Variants in RBPJ observed in about 807,000 individuals in gnomAD.
The protein encoded by RBPJ is recombining binding protein suppressor of hairless.
RBPJ carries 9 observed loss-of-function variants against 67.8 expected under a neutral mutation model. The observed-to-expected ratio is 0.13, with a 90% CI of 0.08 to 0.23. The LOEUF (loss-of-function observed/expected upper bound fraction) is 0.23. RBPJ is among the 10% of genes least tolerant of loss of function. RBPJ has a pLI of 1.00. For missense variants in RBPJ, 305 were observed against 595.6 expected (o/e 0.51, Z 5.08); for synonymous variants, 198 against 203.3 (o/e 0.97, Z 0.22).
At chr4:26,295,237 G>A (rs1318165963) in intron 1 of RBPJ, among the ~76,000 whole-genome samples, 1 of 133,132 alleles carries the variant, frequency 7.5e-6, no homozygotes, top group Admixed American at 7.0e-5. Context: ...AGGAAGAAAG[G>A]GTGCATCAGT....
At chr4:26,267,000 C>A (rs1374883899) in intron 1 of RBPJ, among the ~76,000 whole-genome samples, 1 of 152,106 alleles carries the variant, frequency 6.6e-6, no homozygotes, top group Non-Finnish European at 1.5e-5. Flanking sequence ...CATTAACTTC[C>A]AAAACACAGA....
chr4:26,146,333 C>T, the RBPJ span, among the ~76,000 whole-genome samples: 1 of 152,164 alleles, frequency 6.6e-6, no homozygotes, highest in African/African-American at 2.4e-5. Context: ...GGACAATCAG[C>T]TATCCCATGC....
the RBPJ span, among the ~76,000 whole-genome samples, chr4:26,131,309 A>C: frequency 6.6e-6 from 1 of 152,244 alleles, no homozygotes; most frequent in Non-Finnish European, 1.5e-5. Context: ...ACATCCCTGC[A>C]TCATGAGATC....
chr4:26,312,166 C>G (rs926163066), intron 1 of RBPJ, among the ~76,000 whole-genome samples: 1 of 151,248 alleles, frequency 6.6e-6, no homozygotes, highest in Non-Finnish European at 1.5e-5. Context: ...GAGTCTCGCT[C>G]TGTCACCCAG....
intron 1 of RBPJ, among the ~76,000 whole-genome samples, chr4:26,272,923 C>A (rs1331446619): frequency 1.3e-5 from 2 of 152,176 alleles, no homozygotes; most frequent in African/African-American, 4.8e-5. Context: ...GTTTCCATGC[C>A]TAAGGTGAAT....
chr4:26,208,877 C>A (rs1293829813), intron 1 of RBPJ, among the ~76,000 whole-genome samples: 1 of 152,080 alleles, frequency 6.6e-6, no homozygotes, highest in Admixed American at 6.6e-5. Flanking sequence ...GGCCATTTAG[C>A]CCTAACCTAG....
chr4:26,181,784 C>T (rs58590747), intron 1 of RBPJ, among the ~76,000 whole-genome samples: 7,040 of 152,120 alleles, frequency 0.046, 561 homozygotes, highest in African/African-American at 0.16. Context: ...AAAAATATGG[C>T]CTAAAAGATA....
chr4:26,397,416 A>T (rs1732237230), intron 2 of RBPJ, among the ~76,000 whole-genome samples: 1 of 152,160 alleles, frequency 6.6e-6, no homozygotes, highest in Non-Finnish European at 1.5e-5. Flanking sequence ...TTGAGGAAGA[A>T]TTTTATAAAA....
chr4:26,322,129 G>C (rs1436944390), intron 1 of RBPJ: 3 of 152,574 alleles, frequency 2.0e-5, no homozygotes, highest in Admixed American at 2.0e-4. Context: ...GGTTCCTGAC[G>C]GCGTAGGCCA....
chr4:26,314,884 C>T (rs1032623071), upstream of RBPJ, among the ~76,000 whole-genome samples: 10 of 151,944 alleles, frequency 6.6e-5, no homozygotes, highest in African/African-American at 2.2e-4. Context: ...CGGTGGCTCA[C>T]GCCTGTAATC....
At chr4:26,208,661 G>A (rs1464705587) in intron 1 of RBPJ, among the ~76,000 whole-genome samples, 1 of 152,132 alleles carries the variant, frequency 6.6e-6, no homozygotes, top group Non-Finnish European at 1.5e-5. Flanking sequence ...AACAGACCAC[G>A]ATTTGCACAA....
At chr4:26,287,538 G>A (rs926638740) in intron 1 of RBPJ, among the ~76,000 whole-genome samples, 1 of 134,294 alleles carries the variant, frequency 7.4e-6, no homozygotes, top group African/African-American at 2.8e-5. Context: ...GGCTGACAAA[G>A]TGAGACCTTG....
chr4:26,173,828 A>C (rs932212198), intron 1 of RBPJ, among the ~76,000 whole-genome samples: 1 of 152,206 alleles, frequency 6.6e-6, no homozygotes, highest in Non-Finnish European at 1.5e-5. Context: ...AAAATAAATA[A>C]AGCAAGGTCC....
At chr4:26,308,025 C>G (rs1366672878) in intron 1 of RBPJ, among the ~76,000 whole-genome samples, 1 of 152,186 alleles carries the variant, frequency 6.6e-6, no homozygotes, top group South Asian at 2.1e-4. Flanking sequence ...GCCTGTAATC[C>G]TAGCAGTGTG....
chr4:26,177,898 C>T (rs566090484), intron 1 of RBPJ, among the ~76,000 whole-genome samples: 8 of 152,318 alleles, frequency 5.3e-5, no homozygotes, highest in Admixed American at 2.0e-4. Context: ...TGGCCTCGTA[C>T]GTCATATGTG....
chr4:26,289,829 A>C (rs1456360524), intron 1 of RBPJ, among the ~76,000 whole-genome samples: 1 of 150,574 alleles, frequency 6.6e-6, no homozygotes, highest in Non-Finnish European at 1.5e-5. Context: ...AATATACAGG[A>C]ATTGAAGGTT....
At chr4:26,301,643 T>G (rs1224213036) in intron 1 of RBPJ, among the ~76,000 whole-genome samples, 1 of 150,248 alleles carries the variant, frequency 6.7e-6, no homozygotes, top group African/African-American at 2.5e-5. Flanking sequence ...ATGCAGTAAA[T>G]ACATGCAGTA....
At chr4:26,271,535 G>C (rs1053930098) in intron 1 of RBPJ, among the ~76,000 whole-genome samples, 4 of 151,992 alleles carry the variant, frequency 2.6e-5, no homozygotes, top group African/African-American at 9.7e-5. Context: ...TGTGATCCCA[G>C]TTAATCTTCT....
the RBPJ span, among the ~76,000 whole-genome samples, chr4:26,137,720 C>G: frequency 6.6e-6 from 1 of 152,240 alleles, no homozygotes; most frequent in Non-Finnish European, 1.5e-5. Flanking sequence ...CACTGTCAGG[C>G]ACAGCTGTCA....
Sources: allele counts gnomAD v4.1 joint callset (sites outside exome capture counted in the v4.1 genomes callset), GRCh38; gene constraint gnomAD v4.1.1; transcripts MANE v1.5; gene names NCBI Gene and HGNC (gene_info 2026-07-23, HGNC 2026-07-21).